The following DGKH variants were observed in gnomAD, a reference collection of about 807,000 sequenced individuals.
DGKH encodes diacylglycerol kinase eta.
Under a neutral mutation model 159.3 loss-of-function variants are expected in DGKH, and 90 were observed. That is an observed-to-expected ratio of 0.57 (90% confidence interval 0.48 to 0.67). The LOEUF is 0.67. Ranked by LOEUF, DGKH falls within the 30% of genes least tolerant of loss-of-function variation. The pLI, the probability that DGKH is intolerant of heterozygous loss-of-function variation, is 0.00. For synonymous variants in DGKH, 536 were observed against 553.8 expected, an observed-to-expected ratio of 0.97 and a Z score of 0.45; for missense variants, 1,181 against 1,506.1, an observed-to-expected ratio of 0.78 and a Z score of 3.57.
chr13:42,146,055 A>G (rs985278928), intron 3 of DGKH, among the ~76,000 whole-genome samples: 13 of 151,646 alleles, frequency 8.6e-5, no homozygotes, highest in African/African-American at 3.1e-4. Flanking sequence ...GAGCTGCCCC[A>G]TTTGTTAGAA....
intron 26 of DGKH, 46 bp downstream of exon 26, chr13:42,215,713 T>C (rs1957772894): frequency 1.3e-6 from 2 of 1,525,710 alleles, no homozygotes; most frequent in Admixed American, 1.7e-5. Context: ...GAATTAAATG[T>C]CTGGGTCTTA....
chr13:42,103,614 T>C (rs970157579), intron 1 of DGKH, among the ~76,000 whole-genome samples: 1 of 152,190 alleles, frequency 6.6e-6, no homozygotes, highest in Non-Finnish European at 1.5e-5. Context: ...GTGCACCAAA[T>C]GCAGTCCCCC....
intron 3 of DGKH, among the ~76,000 whole-genome samples, chr13:42,154,994 G>A (rs532238161): frequency 3.3e-5 from 5 of 152,026 alleles, no homozygotes; most frequent in African/African-American, 1.2e-4. Flanking sequence ...TTATTTTGAA[G>A]TATATTTAAA....
intron 1 of DGKH, among the ~76,000 whole-genome samples, chr13:42,060,151 C>G (rs555119342): frequency 8.1e-6 from 1 of 122,732 alleles, no homozygotes; most frequent in Non-Finnish European, 1.9e-5. Flanking sequence ...GGTGATCCAC[C>G]GGCCTCGGCC....
At chr13:42,211,005 A>G (rs1458399106) in intron 24 of DGKH, among the ~76,000 whole-genome samples, 1 of 152,208 alleles carries the variant, frequency 6.6e-6, no homozygotes, top group African/African-American at 2.4e-5. Flanking sequence ...TGGAGAGGGA[A>G]GTCTAAACAT....
intron 1 of DGKH, among the ~76,000 whole-genome samples, chr13:42,083,881 A>G (rs1480132942): frequency 2.0e-5 from 3 of 152,240 alleles, no homozygotes; most frequent in East Asian, 3.8e-4. Context: ...TGTAAGAAAT[A>G]AAAGTGGAAT....
chr13:42,155,831 A>G (rs776493614), intron 5 of DGKH, 32 bp downstream of exon 5: 3 of 1,613,220 alleles, frequency 1.9e-6, no homozygotes, highest in East Asian at 4.5e-5. Flanking sequence ...GTTTTCTCCC[A>G]ACAGTAACCA....
At chr13:42,143,501 A>G (rs1751989010) in intron 3 of DGKH, among the ~76,000 whole-genome samples, 1 of 152,244 alleles carries the variant, frequency 6.6e-6, no homozygotes, top group African/African-American at 2.4e-5. Context: ...TACCTCTGGT[A>G]GAATTCAGCT....
intron 1 of DGKH, among the ~76,000 whole-genome samples, chr13:42,081,675 C>T (rs1045152161): frequency 6.6e-6 from 1 of 152,212 alleles, no homozygotes; most frequent in Non-Finnish European, 1.5e-5. Context: ...GGAGCCACCT[C>T]AGGCTGTTTT....
At chr13:42,158,085 C>A (rs1250254995) in intron 5 of DGKH, among the ~76,000 whole-genome samples, 1 of 152,154 alleles carries the variant, frequency 6.6e-6, no homozygotes, top group East Asian at 1.9e-4. Context: ...AAGGATAAAC[C>A]AGCTCAGTTT....
chr13:42,198,557 T>C lies in DGKH; in HGVS notation c.2247T>C (p.Phe749=), dbSNP rs370191067. The change falls in exon 18 of 30, where the codon TTT becomes TTC. Residue 749 remains phenylalanine (F), a synonymous_variant. Transcript: ENST00000337343. ...NKMLLANIDP[F]GATPFIDPDL... ...TGTTACTGGCAAACATTGATCCTTT[T>C]GGTGCCACGCCGTTTATTGACCCGG... The C allele has an allele frequency of 6.2e-7, 1 of 1,613,654 alleles. No individual in the cohort carries two copies. Among genetic ancestry groups the C allele is most frequent in the Non-Finnish European group, 8.5e-7 (1 of 1,179,820 alleles).
At chr13:42,059,654 T>C in intron 1 of DGKH, among the ~76,000 whole-genome samples, 1 of 152,234 alleles carries the variant, frequency 6.6e-6, no homozygotes, top group East Asian at 1.9e-4. Flanking sequence ...CTATGGCCTG[T>C]TCTATTTAAT....
At chr13:42,044,208 G>A (rs151200032), upstream of DGKH, 1 of 152,210 alleles carries the variant, frequency 6.6e-6, no homozygotes, top group East Asian at 1.9e-4. Flanking sequence ...GTGATTCTGC[G>A]TGGAACTATT....
intron 1 of DGKH, among the ~76,000 whole-genome samples, chr13:42,068,374 C>G (rs1382368975): frequency 6.6e-6 from 1 of 152,184 alleles, no homozygotes. Flanking sequence ...ACAATACACA[C>G]TGGCTAAATA....
chr13:42,161,262 A>T (rs10492442), intron 7 of DGKH, among the ~76,000 whole-genome samples: 15,302 of 152,236 alleles, frequency 0.1, 1,855 homozygotes, highest in African/African-American at 0.29. Flanking sequence ...AACCACTGAT[A>T]ACAAATTTTC....
chr13:42,191,325 A>G (rs1051487253), intron 16 of DGKH, among the ~76,000 whole-genome samples: 1 of 152,198 alleles, frequency 6.6e-6, no homozygotes, highest in Non-Finnish European at 1.5e-5. Flanking sequence ...TGGGGGCAAT[A>G]GACAATAGAC....
chr13:42,151,515 G>GTATATATATACACTTGTATA (rs1955887421), intron 3 of DGKH, among the ~76,000 whole-genome samples: 1 of 100,898 alleles, frequency 9.9e-6, no homozygotes, highest in South Asian at 4.7e-4. Context: ...GTATACACAT[G>GTATATATATACACTTGTATA]TATATATATA....
chr13:42,089,065 T>A (rs1412055887), intron 1 of DGKH, among the ~76,000 whole-genome samples: 1 of 152,134 alleles, frequency 6.6e-6, no homozygotes, highest in Non-Finnish European at 1.5e-5. Flanking sequence ...ATCAAGAAGA[T>A]CTAATATCCT....
chr13:42,107,995 G>T (rs1449560068), intron 1 of DGKH, among the ~76,000 whole-genome samples: 1 of 152,150 alleles, frequency 6.6e-6, no homozygotes, highest in Admixed American at 6.5e-5. Context: ...GAAAAGTCTT[G>T]TTTGAGTGTT....
Sources: allele counts gnomAD v4.1 joint callset (sites outside exome capture counted in the v4.1 genomes callset), GRCh38; gene constraint gnomAD v4.1.1; transcripts MANE v1.5; gene names NCBI Gene and HGNC (gene_info 2026-07-23, HGNC 2026-07-21).